Variants in CADM1 observed in about 807,000 individuals in gnomAD.
CADM1 encodes cell adhesion molecule 1, also known as TSLC-1.
In CADM1, 15 loss-of-function variants were observed where a neutral mutation model predicts 53.1. The observed-to-expected ratio is 0.28, with a 90% CI of 0.19 to 0.44. The LOEUF is 0.44. Ranked by LOEUF, CADM1 falls within the 20% of genes least tolerant of loss-of-function variation. CADM1 has a pLI of 1.00. For synonymous variants in CADM1, 281 were observed against 243.0 expected (o/e 1.16, Z -1.45); for missense variants, 434 against 611.3 (o/e 0.71, Z 3.06).
intron 9 of CADM1, among the ~76,000 whole-genome samples, chr11:115,197,147 T>A (rs1052133489): frequency 6.6e-6 from 1 of 152,166 alleles, no homozygotes; most frequent in Non-Finnish European, 1.5e-5. Flanking sequence ...GAATTCGTCA[T>A]AGGAAAGTCA....
In CADM1 at chr11:115,411,999, A is replaced by AT. The variant is rs79222706; in HGVS notation, c.124+92271dup. ...AAAACCACTAATAACAGACTTCAAGATTTTTTTTTACACATAAAGCTTGAA... is the reference window on the plus strand; with the variant it reads ...AAAACCACTAATAACAGACTTCAAGATTTTTTTTTTACACATAAAGCTTGAA... On this transcript the variant is annotated intron_variant, in intron 1 of 11. Transcript: ENST00000331581. Among the ~76,000 whole-genome samples the AT allele has an allele frequency of 9.9e-3, 1,499 of 151,782 alleles. 61 individuals carry two copies. Among genetic ancestry groups the AT allele is most frequent in the East Asian group, 0.047 (245 of 5,174 alleles).
chr11:115,307,741 G>A (rs557874794), intron 1 of CADM1, among the ~76,000 whole-genome samples: 1 of 151,800 alleles, frequency 6.6e-6, no homozygotes, highest in African/African-American at 2.4e-5. Context: ...TTTTAAGAGA[G>A]GATTACCTTT....
At chr11:115,394,551 T>C (rs1946941505) in intron 1 of CADM1, among the ~76,000 whole-genome samples, 1 of 152,144 alleles carries the variant, frequency 6.6e-6, no homozygotes. Context: ...GATGAAGAAA[T>C]CTACTTCTCG....
In CADM1 at chr11:115,504,350, T is replaced by C. The variant is rs761224036; in HGVS notation, c.45A>G (p.Ala15=). Residue 15 remains alanine (A), a synonymous_variant, in exon 1 of 12, where the codon GCA becomes GCG. Transcript: ENST00000331581. The part of the protein sequence containing the change: ...VLPSGSQCAA[A]AAAAAPPGLR... ...GCCCGGGAGGCGCCGCCGCCGCCGC[T>C]GCCGCCGCACACTGGGATCCGCTCG... is the stretch of plus-strand genomic sequence containing the variant. 81 of 1,548,730 alleles carry C rather than the reference T, an allele frequency of 5.2e-5. No individual in the cohort carries two copies. The African/African-American group carries it at 9.6e-4, about 18-fold the overall frequency.
At chr11:115,480,904 T>C (rs1370703728) in intron 1 of CADM1, among the ~76,000 whole-genome samples, 1 of 151,968 alleles carries the variant, frequency 6.6e-6, no homozygotes, top group East Asian at 1.9e-4. Context: ...AAGAAAACAA[T>C]GGTCTCTTGC....
At chr11:115,179,200 A>G in intron 10 of CADM1, 1 of 227,626 alleles carries the variant, frequency 4.4e-6, no homozygotes, top group Non-Finnish European at 9.0e-6. Context: ...ACGCCCAATG[A>G]CTTTTATTAT....
intron 1 of CADM1, among the ~76,000 whole-genome samples, chr11:115,289,593 CTTTTTTTTTTTTTT>C (rs56766047): frequency 1.8e-5 from 2 of 109,032 alleles, no homozygotes; most frequent in Non-Finnish European, 3.8e-5. Context: ...CTTTTTTTTT[CTTTTTTTTTTTTTT>C]TTTTTTGAGA....
chr11:115,223,100 T>C (rs1187281989), intron 5 of CADM1, among the ~76,000 whole-genome samples: 3 of 152,172 alleles, frequency 2.0e-5, no homozygotes, highest in African/African-American at 7.2e-5. Context: ...TGAAGAAACA[T>C]TGGGGCATGG....
intron 1 of CADM1, among the ~76,000 whole-genome samples, chr11:115,446,728 C>G (rs934593781): frequency 5.3e-5 from 8 of 152,142 alleles, no homozygotes; most frequent in Admixed American, 5.2e-4. Flanking sequence ...AAAAGGGCCA[C>G]TGCTCTTTCG....
At chr11:115,369,069 A>G (rs886899268) in intron 1 of CADM1, among the ~76,000 whole-genome samples, 1 of 146,676 alleles carries the variant, frequency 6.8e-6, no homozygotes, top group African/African-American at 2.5e-5. Flanking sequence ...GTAAGCAATA[A>G]CACTTTGTTA....
At chr11:115,432,227 G>A (rs895117441) in intron 1 of CADM1, among the ~76,000 whole-genome samples, 3 of 152,050 alleles carry the variant, frequency 2.0e-5, no homozygotes, top group African/African-American at 4.8e-5. Flanking sequence ...TTACAGGCGT[G>A]AGCCACCACA....
At chr11:115,370,093 TA>T (rs1946273013) in intron 1 of CADM1, among the ~76,000 whole-genome samples, 1 of 152,200 alleles carries the variant, frequency 6.6e-6, no homozygotes, top group Admixed American at 6.5e-5. Flanking sequence ...CCAGTGAAAC[TA>T]AATAAGTTCT....
chr11:115,219,566 G>A (rs895261777), intron 5 of CADM1, among the ~76,000 whole-genome samples: 5 of 152,152 alleles, frequency 3.3e-5, no homozygotes, highest in South Asian at 2.1e-4. Flanking sequence ...TCTTGGACAC[G>A]TTGGCAAAGA....
At chr11:115,477,137 GA>G (rs1949152375) in intron 1 of CADM1, among the ~76,000 whole-genome samples, 1 of 152,090 alleles carries the variant, frequency 6.6e-6, no homozygotes, top group South Asian at 2.1e-4. Context: ...GGATATAGTG[GA>G]TAGGTTTGGA....
intron 1 of CADM1, among the ~76,000 whole-genome samples, chr11:115,474,602 A>G (rs1223445936): frequency 6.6e-6 from 1 of 150,970 alleles, no homozygotes; most frequent in Non-Finnish European, 1.5e-5. Flanking sequence ...ACAAGGACAA[A>G]AAACCAAACA....
intron 5 of CADM1, among the ~76,000 whole-genome samples, chr11:115,225,742 G>A (rs1380941377): frequency 2.0e-5 from 3 of 152,032 alleles, no homozygotes; most frequent in African/African-American, 7.2e-5. Flanking sequence ...TTTTTTCCCT[G>A]TCTTACTTAA....
chr11:115,469,591 CTTTA>C lies in CADM1; in HGVS notation c.124+34676_124+34679del, dbSNP rs983774304. 3.9e-4 allele frequency among the ~76,000 whole-genome samples: 57 copies of C among 147,774 alleles called. 1 individual carries two copies. Among genetic ancestry groups the C allele is most frequent in the Non-Finnish European group, 6.6e-4 (44 of 67,028 alleles). On this transcript the variant is annotated intron_variant, in intron 1 of 11. Coordinates refer to ENST00000331581, the MANE Select transcript of CADM1 (RefSeq NM_001301043.2). ...TTTCAAACTACTCTGCTACTTGGTT[CTTTA>C]TTTAGTTTTTATTCTTTTCCTAATC...
chr11:115,358,635 T>G (rs1945942569), intron 1 of CADM1, among the ~76,000 whole-genome samples: 1 of 152,168 alleles, frequency 6.6e-6, no homozygotes, highest in South Asian at 2.1e-4. Flanking sequence ...ATTATTACAC[T>G]CTTTTTATCC....
chr11:115,360,004 C>A (rs1945985093), intron 1 of CADM1, among the ~76,000 whole-genome samples: 1 of 152,130 alleles, frequency 6.6e-6, no homozygotes, highest in Non-Finnish European at 1.5e-5. Context: ...TGGTTATATC[C>A]ATTCATTGTT....
Sources: gnomAD v4.1 joint callset for allele counts (sites outside exome capture counted in the v4.1 genomes callset) on GRCh38, gnomAD v4.1.1 for gene constraint, MANE v1.5 for transcripts, NCBI Gene and HGNC (gene_info 2026-07-23, HGNC 2026-07-21) for gene names.